Variants in RALGPS1 observed in about 807,000 individuals in gnomAD.
RALGPS1 encodes the protein Ral GEF with PH domain and SH3 binding motif 1.
In RALGPS1, 19 loss-of-function variants were observed where a neutral mutation model predicts 78.8. The observed-to-expected ratio is 0.24, with a 90% CI of 0.17 to 0.35. The LOEUF (loss-of-function observed/expected upper bound fraction) is 0.35, where lower values mean the gene tolerates loss of function less well. RALGPS1 is among the 10% of genes least tolerant of loss of function. RALGPS1 has a pLI of 1.00. For synonymous variants in RALGPS1, 228 were observed against 256.3 expected, an observed-to-expected ratio of 0.89 and a Z score of 1.06; for missense variants, 454 against 688.3, an observed-to-expected ratio of 0.66 and a Z score of 3.81.
chr9:126,998,185 T>C (rs901915060), intron 4 of RALGPS1, among the ~76,000 whole-genome samples: 2 of 152,060 alleles, frequency 1.3e-5, no homozygotes, highest in Admixed American at 6.6e-5. Flanking sequence ...CTAATTAAAC[T>C]AAAGAGCTTC....
At position 126,962,837 on chromosome 9, in the gene RALGPS1, G is replaced by GAAGC. The variant is rs1382966398; in HGVS notation, c.57+493_57+496dup. Among the ~76,000 whole-genome samples, 6 of 152,352 alleles carry GAAGC rather than the reference G, an allele frequency of 3.9e-5. No homozygotes were observed. The East Asian group carries it at 1.2e-3, about 29-fold the overall frequency. On this transcript the variant is annotated intron_variant, in intron 2 of 18. Transcript: ENST00000259351. ...GATTTCCATGCTCGGTAATGGCACA[G>GAAGC]AAGCATGCAGGAGGAGTGGGTGCCA...
intron 7 of RALGPS1, among the ~76,000 whole-genome samples, chr9:127,066,636 G>A (rs189863791): frequency 5.9e-5 from 9 of 152,218 alleles, no homozygotes; most frequent in Admixed American, 2.0e-4. Context: ...GTGAGACTCC[G>A]TCTCCACAAA....
At chr9:126,922,314 G>A (rs1387650604) in intron 1 of RALGPS1, among the ~76,000 whole-genome samples, 3 of 152,066 alleles carry the variant, frequency 2.0e-5, no homozygotes, top group South Asian at 4.1e-4. Context: ...TTGAATCTTT[G>A]GCCTTGACAT....
At position 127,218,750 on chromosome 9, in the gene RALGPS1, A is replaced by C; in HGVS notation, c.1655A>C (p.Asn552Thr). The change falls in exon 19 of 19, where the codon AAC (asparagine) becomes ACC (threonine). Residue 552 changes from asparagine (N) to threonine (T), a missense_variant. By Grantham distance (65) the Asn-to-Thr change is moderately conservative. Coordinates refer to ENST00000259351, the MANE Select transcript of RALGPS1 (RefSeq NM_014636.3). This position sits in a 1 kb window ranked among gnomAD's most constrained non-coding sequence, Gnocchi z 4.4. ...AGCTTTCTCTTCTAGGTACCTGCAA[A>C]CCTTATGTCATTTGAGTAAGTCTCT... ...CKSNRPQVPA[N>T]LMSFE The C allele has an allele frequency of 6.2e-7, 1 of 1,614,016 alleles. No individual in the cohort carries two copies. The highest frequency in any genetic ancestry group is 8.5e-7 in the Non-Finnish European group (1 of 1,179,918).
At chr9:126,962,170 G>T (rs1016067489) in intron 1 of RALGPS1, 55 bp from the exon 2 acceptor site, 2 of 925,922 alleles carry the variant, frequency 2.2e-6, no homozygotes, top group Non-Finnish European at 3.4e-6. Flanking sequence ...TTTGCCTGGG[G>T]GTGGGGATAA....
chr9:127,124,149 C>T (rs185948384), intron 8 of RALGPS1, among the ~76,000 whole-genome samples: 2 of 152,316 alleles, frequency 1.3e-5, no homozygotes, highest in African/African-American at 4.8e-5. Flanking sequence ...GGTCCCTGCT[C>T]CTCGCCTTGA....
chr9:127,056,741 T>C (rs1043184418), intron 7 of RALGPS1, among the ~76,000 whole-genome samples: 2 of 152,158 alleles, frequency 1.3e-5, no homozygotes, highest in African/African-American at 4.8e-5. Context: ...TCATCGATGA[T>C]GTTGATTTTT....
intron 3 of RALGPS1, among the ~76,000 whole-genome samples, chr9:126,976,125 G>T (rs2040595701): frequency 6.6e-6 from 1 of 152,090 alleles, no homozygotes. Context: ...GGTTTTTACT[G>T]GCTCAGTGGA....
At chr9:126,920,346 T>C (rs1258068511) in intron 1 of RALGPS1, among the ~76,000 whole-genome samples, 5 of 152,120 alleles carry the variant, frequency 3.3e-5, no homozygotes, top group Non-Finnish European at 5.9e-5. Context: ...AGGTGTAGGC[T>C]TTGGGTATGG....
chr9:127,046,672 C>CAAAAAAAAA (rs71377987), intron 5 of RALGPS1, among the ~76,000 whole-genome samples: 3 of 40,460 alleles, frequency 7.4e-5, no homozygotes, highest in Non-Finnish European at 1.6e-4. Flanking sequence ...CCCATCCATA[C>CAAAAAAAAA]AAAAAAAAAA....
At position 127,207,195 on chromosome 9, in the gene RALGPS1, A is replaced by G. The variant is rs1053433202; in HGVS notation, c.1248-4936A>G. 2.0e-5 allele frequency among the ~76,000 whole-genome samples: 3 copies of G among 151,944 alleles called. No individual in the cohort carries two copies. In the South Asian group the frequency reaches 6.3e-4, roughly 32 times the overall value. Reference sequence around the variant, plus strand: ...CGTTATCCCATCATCTCATTGTCCCATCATTATCATCATCCCATGACCCCA... The same window carrying G: ...CGTTATCCCATCATCTCATTGTCCCGTCATTATCATCATCCCATGACCCCA... On this transcript the variant is annotated intron_variant, in intron 14 of 18. Transcript: ENST00000259351.
intron 7 of RALGPS1, among the ~76,000 whole-genome samples, chr9:127,064,172 C>T (rs1235054615): frequency 1.3e-5 from 2 of 152,194 alleles, no homozygotes; most frequent in African/African-American, 4.8e-5. Flanking sequence ...TGTTCTTTAA[C>T]CTTACTTTCT....
chr9:127,073,315 A>G (rs150325529), intron 8 of RALGPS1, among the ~76,000 whole-genome samples: 15 of 152,306 alleles, frequency 9.8e-5, no homozygotes, highest in Admixed American at 8.5e-4. Flanking sequence ...TAGCTAGCAC[A>G]TATGAGTGAG....
chr9:126,954,734 G>A (rs986384236), intron 1 of RALGPS1, among the ~76,000 whole-genome samples: 1 of 152,188 alleles, frequency 6.6e-6, no homozygotes, highest in Admixed American at 6.5e-5. Context: ...CCTGGGAGGT[G>A]GATGTTGCAG....
At chr9:126,921,082 T>G (rs2034701803) in intron 1 of RALGPS1, among the ~76,000 whole-genome samples, 1 of 152,238 alleles carries the variant, frequency 6.6e-6, no homozygotes, top group African/African-American at 2.4e-5. Context: ...GGGAAGCTAA[T>G]GCTTACAGAG....
intron 2 of RALGPS1, 128 bp from the exon 3 acceptor site, chr9:126,965,716 A>G (rs1329926506): frequency 5.9e-6 from 4 of 672,690 alleles, no homozygotes; most frequent in Non-Finnish European, 1.0e-5. Flanking sequence ...GTAAAGCTCT[A>G]ATCAATAGAA....
At chr9:126,969,195 A>G (rs1203695187) in intron 3 of RALGPS1, among the ~76,000 whole-genome samples, 1 of 152,200 alleles carries the variant, frequency 6.6e-6, no homozygotes, top group African/African-American at 2.4e-5. Context: ...AATACTTTAT[A>G]TTCTTTTTCT....
At chr9:126,945,668 A>G (rs1198651958) in intron 1 of RALGPS1, among the ~76,000 whole-genome samples, 1 of 152,084 alleles carries the variant, frequency 6.6e-6, no homozygotes, top group Non-Finnish European at 1.5e-5. Flanking sequence ...ATCAGGTCCC[A>G]TTGTGCATCG....
chr9:127,115,620 C>A (rs1348912360), intron 8 of RALGPS1, among the ~76,000 whole-genome samples: 3 of 152,348 alleles, frequency 2.0e-5, no homozygotes, highest in Non-Finnish European at 4.4e-5. Context: ...CCAAACCCTG[C>A]CTTGCATCAA....
Sources: allele counts gnomAD v4.1 joint callset (sites outside exome capture counted in the v4.1 genomes callset), GRCh38; gene constraint gnomAD v4.1.1; non-coding constraint Gnocchi (gnomAD v3.1); transcripts MANE v1.5; gene names NCBI Gene and HGNC (gene_info 2026-07-23, HGNC 2026-07-21).